The following MAGI3 variants were observed in gnomAD, a reference collection of about 807,000 sequenced individuals.
The protein encoded by MAGI3 is membrane associated guanylate kinase, WW and PDZ domain containing 3, also known as membrane-associated guanylate kinase, WW and PDZ domain-containing protein 3.
In MAGI3, 43 loss-of-function variants were observed where a neutral mutation model predicts 121.8. The ratio of observed to expected loss-of-function variants is 0.35; its 90% CI spans 0.28 to 0.46. MAGI3 has a LOEUF of 0.46. Ranked by LOEUF, MAGI3 falls within the 20% of genes least tolerant of loss-of-function variation. The pLI, the probability that MAGI3 is intolerant of heterozygous loss-of-function variation, is 1.00. For missense variants in MAGI3, 1,547 were observed against 1,797.3 expected (o/e 0.86, Z 2.52); for synonymous variants, 553 against 639.3 (o/e 0.86, Z 2.04).
At chr1:113,524,081 T>C (rs908563420) in intron 1 of MAGI3, among the ~76,000 whole-genome samples, 1 of 152,078 alleles carries the variant, frequency 6.6e-6, no homozygotes, top group African/African-American at 2.4e-5. Context: ...GCAGTTTCCA[T>C]GTGGTGTTGA....
intron 2 of MAGI3, among the ~76,000 whole-genome samples, chr1:113,560,164 A>C (rs573624205): frequency 6.6e-6 from 1 of 152,224 alleles, no homozygotes; most frequent in East Asian, 1.9e-4. Context: ...AACTGAAATC[A>C]TAACAATCTC....
intron 1 of MAGI3, among the ~76,000 whole-genome samples, chr1:113,446,029 C>T (rs1307501691): frequency 6.6e-6 from 1 of 152,156 alleles, no homozygotes; most frequent in East Asian, 1.9e-4. Context: ...CAGTTTGTAA[C>T]CCCACTTTTT....
At chr1:113,675,678 G>A (rs1343912635) in intron 19 of MAGI3, among the ~76,000 whole-genome samples, 2 of 152,130 alleles carry the variant, frequency 1.3e-5, no homozygotes, top group African/African-American at 4.8e-5. Context: ...TGTAATTAGT[G>A]GACTAGATAA....
rs754420322 is a variant in MAGI3 at position 113,681,179 on chromosome 1, G to C, written c.3190-19G>C. 2.5e-6 allele frequency: 4 copies of C among 1,608,648 alleles called. No homozygotes were observed. The South Asian group carries it at 4.5e-5, about 18-fold the overall frequency. ...GGATGCATAGTTTCATGTTGTTCCT[G>C]TGAATGTTCTCTGTCTAGGTTGGTG... On this transcript the variant is annotated intron_variant, in intron 19 of 20. Transcript: ENST00000307546.
intron 1 of MAGI3, among the ~76,000 whole-genome samples, chr1:113,549,243 T>C (rs1659664029): frequency 6.6e-6 from 1 of 152,194 alleles, no homozygotes; most frequent in Admixed American, 6.5e-5. Flanking sequence ...TAAATGAAAT[T>C]ACTCTGAATA....
chr1:113,578,302 A>T (rs2101715734), intron 2 of MAGI3, among the ~76,000 whole-genome samples: 1 of 152,318 alleles, frequency 6.6e-6, no homozygotes, highest in South Asian at 2.1e-4. Context: ...TCCAGTCCAA[A>T]TTCAAGGGAT....
intron 1 of MAGI3, among the ~76,000 whole-genome samples, chr1:113,484,376 G>A (rs1442237301): frequency 6.6e-6 from 1 of 152,034 alleles, no homozygotes; most frequent in Non-Finnish European, 1.5e-5. Context: ...TGTACCCAGT[G>A]TGTAGTCATT....
chr1:113,567,072 A>T (rs1660463847), intron 2 of MAGI3, among the ~76,000 whole-genome samples: 1 of 151,854 alleles, frequency 6.6e-6, no homozygotes, highest in Non-Finnish European at 1.5e-5. Flanking sequence ...AAAGACTTAA[A>T]TTTCTAAAAT....
At chr1:113,401,848 C>A (rs1651422286) in intron 1 of MAGI3, among the ~76,000 whole-genome samples, 1 of 152,118 alleles carries the variant, frequency 6.6e-6, no homozygotes, top group Non-Finnish European at 1.5e-5. Flanking sequence ...GACCTTTCTC[C>A]TTCTAGACTT....
At chr1:113,473,265 TA>T (rs1300065147) in intron 1 of MAGI3, among the ~76,000 whole-genome samples, 1 of 152,204 alleles carries the variant, frequency 6.6e-6, no homozygotes, top group East Asian at 1.9e-4. Flanking sequence ...TTTATTTATT[TA>T]TTTTTTTATT....
At chr1:113,516,175 C>T (rs1490212307) in intron 1 of MAGI3, among the ~76,000 whole-genome samples, 1 of 151,874 alleles carries the variant, frequency 6.6e-6, no homozygotes, top group Non-Finnish European at 1.5e-5. Flanking sequence ...TTAATAGACA[C>T]ACATATTTCC....
intron 16 of MAGI3, among the ~76,000 whole-genome samples, chr1:113,664,673 C>T (rs936542646): frequency 2.6e-5 from 4 of 152,170 alleles, no homozygotes; most frequent in Non-Finnish European, 5.9e-5. Flanking sequence ...ACCAGCAAAA[C>T]ATTGAGGATT....
intron 15 of MAGI3, among the ~76,000 whole-genome samples, chr1:113,654,277 A>G (rs1557876707): frequency 6.6e-6 from 1 of 152,234 alleles, no homozygotes; most frequent in Non-Finnish European, 1.5e-5. Flanking sequence ...GTTATACTGA[A>G]GACAGTATGT....
intron 2 of MAGI3, among the ~76,000 whole-genome samples, chr1:113,574,638 C>A (rs555188407): frequency 6.6e-6 from 1 of 152,156 alleles, no homozygotes; most frequent in Non-Finnish European, 1.5e-5. Flanking sequence ...TCATTTCAAC[C>A]TTAGAGAATC....
rs1648336936 is a variant in MAGI3 at position 113,683,365 on chromosome 1, G to A, written c.3797G>A (p.Cys1266Tyr). 13 of 1,613,982 alleles carry A rather than the reference G, an allele frequency of 8.1e-6. No homozygotes were observed. In the African/African-American group the frequency reaches 9.3e-5, roughly 12 times the overall value. Residue 1266 changes from cysteine (C) to tyrosine (Y), a missense_variant, in exon 21 of 21, where the codon TGT (cysteine) becomes TAT (tyrosine). Cys to Tyr is a radical substitution (Grantham distance 194). Coordinates refer to ENST00000307546, the MANE Select transcript of MAGI3 (RefSeq NM_001142782.2). ...CCCAGCAAAGGGGAAAATAAAAGTT[G>A]TCAGGTCAGCACCAGGGCAGGCTCT... is the stretch of plus-strand genomic sequence containing the variant. ...LSPSKGENKS[C>Y]QVSTRAGSGQ...
intron 1 of MAGI3, among the ~76,000 whole-genome samples, chr1:113,514,675 A>G (rs1163211335): frequency 6.6e-6 from 1 of 152,194 alleles, no homozygotes; most frequent in Non-Finnish European, 1.5e-5. Flanking sequence ...ACCTAATGCT[A>G]AATGATGAGT....
intron 1 of MAGI3, among the ~76,000 whole-genome samples, chr1:113,414,376 G>A (rs1011356314): frequency 7.2e-5 from 11 of 152,136 alleles, no homozygotes; most frequent in African/African-American, 2.7e-4. Flanking sequence ...TTGGTATCAG[G>A]ATGATGTTGG....
At chr1:113,462,329 G>T (rs1655076380) in intron 1 of MAGI3, among the ~76,000 whole-genome samples, 1 of 152,172 alleles carries the variant, frequency 6.6e-6, no homozygotes, top group African/African-American at 2.4e-5. Context: ...CTCAGTGACA[G>T]ATTGGATAAA....
intron 1 of MAGI3, among the ~76,000 whole-genome samples, chr1:113,476,570 C>T (rs910518584): frequency 3.3e-5 from 5 of 152,134 alleles, no homozygotes; most frequent in African/African-American, 7.2e-5. Context: ...AATTTGATTT[C>T]GCTGTGGTTT....
Sources: gnomAD v4.1 joint callset for allele counts (sites outside exome capture counted in the v4.1 genomes callset) on GRCh38, gnomAD v4.1.1 for gene constraint, MANE v1.5 for transcripts, NCBI Gene and HGNC (gene_info 2026-07-23, HGNC 2026-07-21) for gene names.